The following SLC44A5 variants were observed in gnomAD, a reference collection of about 807,000 sequenced individuals.
SLC44A5 encodes the protein solute carrier family 44 member 5, also known as choline transporter-like protein 5.
A neutral mutation model predicts 101.8 loss-of-function variants in SLC44A5; 57 were observed. The observed-to-expected ratio is 0.56, with a 90% CI of 0.45 to 0.70. The LOEUF (loss-of-function observed/expected upper bound fraction) is 0.70. Ranked by LOEUF, SLC44A5 falls within the 30% of genes least tolerant of loss-of-function variation. SLC44A5 has a pLI of 0.00. For missense variants in SLC44A5, 737 were observed against 853.1 expected (o/e 0.86, Z 1.70); for synonymous variants, 281 against 290.9 (o/e 0.97, Z 0.35).
At chr1:75,236,193 T>A (rs1505263) in intron 11 of SLC44A5, among the ~76,000 whole-genome samples, 42,863 of 151,858 alleles carry the variant, frequency 0.28, 6,361 homozygotes, top group Middle Eastern at 0.36. Context: ...ACCAAGAAAC[T>A]TGGGTGGAGA....
the SLC44A5 span, among the ~76,000 whole-genome samples, chr1:75,714,391 G>A: frequency 1.3e-5 from 2 of 152,080 alleles, no homozygotes; most frequent in Admixed American, 6.6e-5. Context: ...AACAATAAGA[G>A]TCATCTATGA....
chr1:75,491,236 G>T (rs1329962655), intron 2 of SLC44A5, among the ~76,000 whole-genome samples: 1 of 152,088 alleles, frequency 6.6e-6, no homozygotes, highest in East Asian at 1.9e-4. Flanking sequence ...TTTTCAGCAG[G>T]AAATTATTGT....
chr1:75,467,801 G>A (rs1666903720), intron 2 of SLC44A5, among the ~76,000 whole-genome samples: 1 of 152,102 alleles, frequency 6.6e-6, no homozygotes, highest in Non-Finnish European at 1.5e-5. Flanking sequence ...TACCCCACAA[G>A]TGCAGGCAAT....
chr1:75,388,590 C>T (rs1244122438), intron 3 of SLC44A5, among the ~76,000 whole-genome samples: 2 of 152,004 alleles, frequency 1.3e-5, no homozygotes, highest in Non-Finnish European at 2.9e-5. Flanking sequence ...ACCATCCTGG[C>T]TAACGTGGTG....
the SLC44A5 span, among the ~76,000 whole-genome samples, chr1:75,634,393 C>T: frequency 3.2e-4 from 49 of 151,840 alleles, no homozygotes; most frequent in African/African-American, 1.1e-3. Context: ...GGAGGCATCA[C>T]GCTACCTGAC....
chr1:75,573,367 T>G (rs1673189896), intron 1 of SLC44A5, among the ~76,000 whole-genome samples: 1 of 151,716 alleles, frequency 6.6e-6, no homozygotes. Flanking sequence ...GAAGTATAGA[T>G]ATAACTGCCA....
chr1:75,619,227 AGGAGGGAG>A, the SLC44A5 span, among the ~76,000 whole-genome samples: 1 of 149,516 alleles, frequency 6.7e-6, no homozygotes, highest in Non-Finnish European at 1.5e-5. Context: ...GACGGAGAGC[AGGAGGGAG>A]GGAGGGAGGA....
chr1:75,309,827 C>A (rs557208362), intron 4 of SLC44A5, among the ~76,000 whole-genome samples: 7 of 152,292 alleles, frequency 4.6e-5, no homozygotes, highest in Admixed American at 4.6e-4. Context: ...CTGTATCTCT[C>A]CTGTTCTCAA....
intron 2 of SLC44A5, among the ~76,000 whole-genome samples, chr1:75,400,674 C>T (rs1236153206): frequency 6.6e-6 from 1 of 152,150 alleles, no homozygotes; most frequent in East Asian, 1.9e-4. Context: ...GCCTTAGTTG[C>T]TTTGCCCAGG....
chr1:75,683,351 T>G, the SLC44A5 span, among the ~76,000 whole-genome samples: 1 of 152,010 alleles, frequency 6.6e-6, no homozygotes, highest in Non-Finnish European at 1.5e-5. Context: ...GACTTGGAAC[T>G]AACCCAAATG....
intron 2 of SLC44A5, among the ~76,000 whole-genome samples, chr1:75,503,518 C>G (rs1433649468): frequency 1.3e-5 from 2 of 152,126 alleles, no homozygotes; most frequent in African/African-American, 4.8e-5. Context: ...TGAGGCGTCC[C>G]CAGTCATGCC....
At chr1:75,339,522 TC>T in intron 4 of SLC44A5, 59 bp downstream of exon 4, 1 of 1,369,674 alleles carries the variant, frequency 7.3e-7, no homozygotes, top group Non-Finnish European at 1.0e-6. Flanking sequence ...ACCTCCCCCA[TC>T]CCCCAAAGCT....
At chr1:75,359,138 G>A (rs952271789) in intron 3 of SLC44A5, among the ~76,000 whole-genome samples, 4 of 150,890 alleles carry the variant, frequency 2.7e-5, no homozygotes, top group South Asian at 2.1e-4. Context: ...CCCTCCAGGC[G>A]GCTCCATGTT....
At chr1:75,489,529 G>A (rs564280356) in intron 2 of SLC44A5, among the ~76,000 whole-genome samples, 13 of 152,234 alleles carry the variant, frequency 8.5e-5, no homozygotes, top group East Asian at 1.9e-4. Flanking sequence ...ATTTTCAGGC[G>A]TAAGTCCTTA....
At chr1:75,453,618 T>A (rs1165509193) in intron 2 of SLC44A5, among the ~76,000 whole-genome samples, 1 of 152,024 alleles carries the variant, frequency 6.6e-6, no homozygotes, top group Non-Finnish European at 1.5e-5. Flanking sequence ...AAGTTGCTTA[T>A]TTGAAAGGAT....
intron 6 of SLC44A5, among the ~76,000 whole-genome samples, chr1:75,266,852 A>G (rs1278469314): frequency 1.3e-5 from 2 of 152,218 alleles, no homozygotes; most frequent in Admixed American, 6.5e-5. Flanking sequence ...GAAGCTAACC[A>G]ATTAATAACC....
the SLC44A5 span, among the ~76,000 whole-genome samples, chr1:75,711,235 C>T: frequency 3.3e-5 from 5 of 152,156 alleles, no homozygotes; most frequent in African/African-American, 1.2e-4. Flanking sequence ...AGCAAGGTCA[C>T]TGATAGTTCA....
the SLC44A5 span, among the ~76,000 whole-genome samples, chr1:75,702,817 AAAAC>A: frequency 7.2e-5 from 11 of 152,318 alleles, no homozygotes; most frequent in Middle Eastern, 3.4e-3. Context: ...TTACGAGAAA[AAAAC>A]AAACAACCCC....
At chr1:75,618,727 T>C in the SLC44A5 span, among the ~76,000 whole-genome samples, 1 of 152,130 alleles carries the variant, frequency 6.6e-6, no homozygotes. Flanking sequence ...TAGGCAATTG[T>C]AAAACAATGC....
Sources: allele counts gnomAD v4.1 joint callset (sites outside exome capture counted in the v4.1 genomes callset), GRCh38; gene constraint gnomAD v4.1.1; transcripts MANE v1.5; gene names NCBI Gene and HGNC (gene_info 2026-07-23, HGNC 2026-07-21).